MAST2: variants seen among roughly 807,000 people sequenced by gnomAD.
MAST2 encodes the protein microtubule-associated serine/threonine-protein kinase 2.
In MAST2, 70 loss-of-function variants were observed where a neutral mutation model predicts 147.4. The observed-to-expected ratio is 0.47, with a 90% confidence interval of 0.39 to 0.58. The LOEUF is 0.58. MAST2 is among the 20% of genes least tolerant of loss of function. The pLI is 0.00. For synonymous variants in MAST2, 869 were observed against 896.8 expected (o/e 0.97, Z 0.55); for missense variants, 2,080 against 2,302.3 (o/e 0.90, Z 1.98).
chr1:45,813,766 T>TG (rs1644371881), intron 1 of MAST2, among the ~76,000 whole-genome samples: 1 of 152,122 alleles, frequency 6.6e-6, no homozygotes, highest in Admixed American at 6.6e-5. Context: ...CCCAAAGTAC[T>TG]GGGATTATAG....
At position 46,035,211 on chromosome 1, in the gene MAST2, C is replaced by T. The variant is rs761925826; in HGVS notation, c.4542C>T (p.Asn1514=). The stretch of plus-strand genomic sequence containing the variant: ...ACGACACCGAGGAAGGGCCTGAGAA[C>T]AGCCAGGGTGCACAGGAGCTGAGCT... ...SEDDTEEGPE[N]SQGAQELSLA... is the part of the protein sequence containing the mutation. Residue 1514 remains asparagine, a synonymous_variant, in exon 29 of 29, where the codon AAC becomes AAT. Transcript: ENST00000361297. This position sits in a 1 kb window ranked among gnomAD's most constrained non-coding sequence, Gnocchi z 5.5. 5 of 1,613,942 alleles carry T rather than the reference C, an allele frequency of 3.1e-6. No homozygotes were observed. In the African/African-American group the frequency reaches 6.7e-5, roughly 22 times the overall value.
At chr1:45,987,776 G>GCTTTTTTTTTTTTTTTTTTTTT (rs1644692974) in intron 5 of MAST2, among the ~76,000 whole-genome samples, 2 of 30,708 alleles carry the variant, frequency 6.5e-5, no homozygotes, top group East Asian at 8.2e-4. Context: ...TTTTTTTTTT[G>GCTTTTTTTTTTTTTTTTTTTTT]ATTTTTTTTT....
Position 45,979,484 on chromosome 1 carries a change from G to T in MAST2, c.593-18240G>T, listed in dbSNP as rs537700193. 4.0e-5 allele frequency among the ~76,000 whole-genome samples: 6 copies of T among 151,400 alleles called. No homozygotes were observed. In the East Asian group the frequency reaches 1.2e-3, roughly 29 times the overall value. On this transcript the variant is annotated intron_variant, in intron 5 of 28. Transcript: ENST00000361297. ...GCCAGTTATTGCCATCCTTAAGGAA[G>T]GATTCTTCTCAATAATGTCATTTTT...
intron 4 of MAST2, among the ~76,000 whole-genome samples, chr1:45,888,874 G>T (rs991484206): frequency 1.3e-5 from 2 of 149,948 alleles, no homozygotes; most frequent in Admixed American, 1.3e-4. Context: ...TAGAGACGGG[G>T]TTTCACCACG....
At chr1:45,979,773 C>T (rs1206358007) in intron 5 of MAST2, among the ~76,000 whole-genome samples, 1 of 152,018 alleles carries the variant, frequency 6.6e-6, no homozygotes, top group East Asian at 1.9e-4. Context: ...AGTTTTGAGG[C>T]TGCAATGAGC....
intron 4 of MAST2, among the ~76,000 whole-genome samples, chr1:45,956,773 TA>T (rs1376900649): frequency 6.6e-6 from 1 of 152,216 alleles, no homozygotes; most frequent in Non-Finnish European, 1.5e-5. Context: ...ATCAGCCAGC[TA>T]TTGGTTATTT....
At chr1:45,910,119 T>G (rs1651449873) in intron 4 of MAST2, among the ~76,000 whole-genome samples, 2 of 151,636 alleles carry the variant, frequency 1.3e-5, no homozygotes, top group South Asian at 4.1e-4. Context: ...GTTGTTTTTT[T>G]TTTTTTTCCC....
At chr1:45,961,140 C>T (rs528866792) in intron 5 of MAST2, among the ~76,000 whole-genome samples, 22 of 152,186 alleles carry the variant, frequency 1.4e-4, no homozygotes, top group African/African-American at 5.1e-4. Flanking sequence ...CACAAGCTGT[C>T]ACTTTAGAAG....
chr1:45,992,872 TG>T (rs1356484798), intron 5 of MAST2, among the ~76,000 whole-genome samples: 2 of 152,158 alleles, frequency 1.3e-5, no homozygotes, highest in African/African-American at 4.8e-5. Flanking sequence ...CTGCTTTATT[TG>T]GGGTTAAGTG....
chr1:45,964,714 C>T (rs369211758), intron 5 of MAST2, among the ~76,000 whole-genome samples: 7 of 152,032 alleles, frequency 4.6e-5, no homozygotes, highest in Non-Finnish European at 7.4e-5. Flanking sequence ...GTGTCTCTAT[C>T]TCCTTCAGTT....
At chr1:45,904,665 C>T (rs764994653) in intron 4 of MAST2, among the ~76,000 whole-genome samples, 1 of 152,010 alleles carries the variant, frequency 6.6e-6, no homozygotes, top group Non-Finnish European at 1.5e-5. Context: ...GGGATTTTGC[C>T]ATATTGCCCA....
chr1:45,898,529 T>C (rs928093567), intron 4 of MAST2, among the ~76,000 whole-genome samples: 2 of 152,124 alleles, frequency 1.3e-5, no homozygotes, highest in Non-Finnish European at 2.9e-5. Context: ...TGTTGTTGTT[T>C]TTGTTTTTAC....
At chr1:45,815,581 A>G (rs1644427345) in intron 1 of MAST2, among the ~76,000 whole-genome samples, 1 of 152,168 alleles carries the variant, frequency 6.6e-6, no homozygotes, top group Non-Finnish European at 1.5e-5. Flanking sequence ...GGGTGTTACC[A>G]AGGTGATTTT....
intron 3 of MAST2, among the ~76,000 whole-genome samples, chr1:45,858,662 G>C (rs1244888922): frequency 6.8e-6 from 1 of 146,070 alleles, no homozygotes; most frequent in African/African-American, 2.6e-5. Flanking sequence ...CATTGCTTTT[G>C]GTGTTTTAGA....
intron 3 of MAST2, chr1:45,847,497 T>G: frequency 1.3e-6 from 1 of 771,942 alleles, no homozygotes; most frequent in Non-Finnish European, 2.1e-6. Flanking sequence ...CTTCAATTTT[T>G]CCTTTTTTTC....
At chr1:45,929,857 A>C (rs1281316652) in intron 4 of MAST2, among the ~76,000 whole-genome samples, 1 of 152,008 alleles carries the variant, frequency 6.6e-6, no homozygotes, top group Non-Finnish European at 1.5e-5. Flanking sequence ...GGGATAGCTG[A>C]GTCAAAAATT....
chr1:46,005,841 A>G (rs983882581), intron 7 of MAST2, among the ~76,000 whole-genome samples: 2 of 152,170 alleles, frequency 1.3e-5, no homozygotes, highest in African/African-American at 4.8e-5. Flanking sequence ...GCCAAAAGGA[A>G]ACATTGCTGA....
chr1:45,969,889 A>T (rs1293996474), intron 5 of MAST2, among the ~76,000 whole-genome samples: 1 of 152,130 alleles, frequency 6.6e-6, no homozygotes, highest in Non-Finnish European at 1.5e-5. Flanking sequence ...ATGCTGTTCT[A>T]TAGTCTTGTG....
chr1:45,922,392 T>C (rs1273469903), intron 4 of MAST2, among the ~76,000 whole-genome samples: 2 of 152,206 alleles, frequency 1.3e-5, no homozygotes, highest in African/African-American at 4.8e-5. Context: ...AGGCTGTTCA[T>C]GCTAAGGGGT....
Sources: allele counts gnomAD v4.1 joint callset (sites outside exome capture counted in the v4.1 genomes callset), GRCh38; gene constraint gnomAD v4.1.1; non-coding constraint Gnocchi (gnomAD v3.1); transcripts MANE v1.5; gene names NCBI Gene and HGNC (gene_info 2026-07-23, HGNC 2026-07-21).